Variants in CNNM2 observed in about 807,000 individuals in gnomAD.
CNNM2 encodes metal transporter CNNM2.
In CNNM2, 12 loss-of-function variants were observed where a neutral mutation model predicts 66.9. The observed-to-expected ratio is 0.18, with a 90% CI of 0.11 to 0.29. The LOEUF (loss-of-function observed/expected upper bound fraction) is 0.29. Among genes scored for constraint, CNNM2 ranks in the 10% least tolerant of loss-of-function variants. The pLI is 1.00. For synonymous variants in CNNM2, 557 were observed against 501.8 expected, an observed-to-expected ratio of 1.11 and a Z score of -1.47; for missense variants, 705 against 1,167.7, an observed-to-expected ratio of 0.60 and a Z score of 5.77.
At chr10:102,967,543 G>A (rs1458632052) in intron 1 of CNNM2, among the ~76,000 whole-genome samples, 2 of 152,000 alleles carry the variant, frequency 1.3e-5, no homozygotes. Flanking sequence ...TTTTTGTTTG[G>A]CTACTTTCAC....
At chr10:103,014,555 C>T (rs1048539647) in intron 1 of CNNM2, among the ~76,000 whole-genome samples, 1 of 152,108 alleles carries the variant, frequency 6.6e-6, no homozygotes, top group Non-Finnish European at 1.5e-5. Context: ...ATGCTTTGGT[C>T]AGAGCTTAGC....
chr10:102,989,374 C>A (rs2063854506), intron 1 of CNNM2, among the ~76,000 whole-genome samples: 1 of 151,692 alleles, frequency 6.6e-6, no homozygotes, highest in Non-Finnish European at 1.5e-5. Flanking sequence ...TTATTTTTTT[C>A]ATTCTTCTTT....
At chr10:103,030,276 A>C (rs921844603) in intron 1 of CNNM2, among the ~76,000 whole-genome samples, 53 of 152,170 alleles carry the variant, frequency 3.5e-4, no homozygotes, top group Non-Finnish European at 5.3e-4. Context: ...TAAGCAGAGG[A>C]GTAACATGTT....
intron 1 of CNNM2, among the ~76,000 whole-genome samples, chr10:103,042,677 T>C (rs990393290): frequency 3.9e-5 from 6 of 152,212 alleles, no homozygotes; most frequent in Non-Finnish European, 8.8e-5. Flanking sequence ...TAGCCCGGAT[T>C]TTATGGCTTA....
chr10:103,040,827 C>T (rs2134316815), intron 1 of CNNM2, among the ~76,000 whole-genome samples: 1 of 152,310 alleles, frequency 6.6e-6, no homozygotes, highest in East Asian at 1.9e-4. Context: ...AATTGTTCCT[C>T]CCGTGACATA....
chr10:103,058,958 TG>T (rs1182626906), intron 4 of CNNM2, among the ~76,000 whole-genome samples: 1 of 152,198 alleles, frequency 6.6e-6, no homozygotes, highest in Non-Finnish European at 1.5e-5. Flanking sequence ...GGAGTTTGTT[TG>T]TTTTTTTGTT....
intron 1 of CNNM2, among the ~76,000 whole-genome samples, chr10:102,995,173 C>T (rs1411571366): frequency 3.0e-5 from 4 of 131,486 alleles, no homozygotes; most frequent in Non-Finnish European, 3.3e-5. Context: ...CCTCCTCCCC[C>T]TCTTCCTCCT....
intron 1 of CNNM2, among the ~76,000 whole-genome samples, chr10:102,995,597 T>A (rs1040468118): frequency 6.6e-6 from 1 of 151,946 alleles, no homozygotes; most frequent in East Asian, 1.9e-4. Flanking sequence ...TTTCAGGTTA[T>A]GTAGATAATT....
chr10:102,920,041 C>T lies in CNNM2; in HGVS notation c.1561C>T (p.Pro521Ser), dbSNP rs763560961. ...AACCATCACCAAATTTTATAACCAC[C>T]CCTTGCACTTTGTTTTCAATGACAC... The part of the protein sequence containing the change: ...LKTITKFYNH[P>S]LHFVFNDTKL... The change falls in exon 1 of 8, where the codon CCC becomes TCC. Residue 521 changes from proline (P) to serine (S), a missense_variant. Pro to Ser is a moderately conservative substitution (Grantham distance 74, BLOSUM62 -1). Transcript: ENST00000369878. 5.6e-6 allele frequency: 9 copies of T among 1,614,186 alleles called. No individual in the cohort carries two copies. The highest frequency in any genetic ancestry group is 1.3e-5 in the African/African-American group (1 of 75,028).
chr10:102,948,466 T>A (rs957223491), intron 1 of CNNM2, among the ~76,000 whole-genome samples: 2 of 152,104 alleles, frequency 1.3e-5, no homozygotes, highest in Non-Finnish European at 1.5e-5. Flanking sequence ...AGCTGAAAGA[T>A]GATTAGTGTG....
intron 1 of CNNM2, among the ~76,000 whole-genome samples, chr10:103,021,758 C>T (rs982544221): frequency 2.9e-5 from 4 of 136,048 alleles, no homozygotes; most frequent in Non-Finnish European, 1.7e-5. Context: ...GGACTCTTTC[C>T]CCCAGAATAC....
chr10:103,032,178 G>A (rs1399199324), intron 1 of CNNM2, among the ~76,000 whole-genome samples: 1 of 152,248 alleles, frequency 6.6e-6, no homozygotes, highest in African/African-American at 2.4e-5. Context: ...GGCCGGGTAC[G>A]GTGACTCATG....
intron 1 of CNNM2, among the ~76,000 whole-genome samples, chr10:103,017,268 A>G (rs1406345644): frequency 2.0e-5 from 3 of 152,234 alleles, no homozygotes; most frequent in African/African-American, 7.2e-5. Flanking sequence ...TAGTAGACGA[A>G]TGCATGAAGA....
At chr10:102,989,123 C>T (rs2063849934) in intron 1 of CNNM2, among the ~76,000 whole-genome samples, 1 of 152,190 alleles carries the variant, frequency 6.6e-6, no homozygotes, top group Non-Finnish European at 1.5e-5. Context: ...TCTGTGCAAA[C>T]AGGAACAGCT....
intron 7 of CNNM2, among the ~76,000 whole-genome samples, chr10:103,076,628 G>T (rs145251739): frequency 6.6e-6 from 1 of 152,192 alleles, no homozygotes; most frequent in Non-Finnish European, 1.5e-5. Context: ...GGAGGGTTGC[G>T]GGGAAGGCTC....
chr10:102,963,163 C>T, intron 1 of CNNM2, among the ~76,000 whole-genome samples: 1 of 152,258 alleles, frequency 6.6e-6, no homozygotes, highest in Admixed American at 6.5e-5. Context: ...GAAAACACTT[C>T]TGCAGTACTT....
At chr10:103,003,169 G>C (rs1004776365) in intron 1 of CNNM2, among the ~76,000 whole-genome samples, 3 of 149,216 alleles carry the variant, frequency 2.0e-5, no homozygotes, top group Non-Finnish European at 4.4e-5. Context: ...CTGGAGTGCA[G>C]TGGCATGGTC....
chr10:102,925,152 C>G (rs1260400524), intron 1 of CNNM2, among the ~76,000 whole-genome samples: 1 of 151,690 alleles, frequency 6.6e-6, no homozygotes, highest in Non-Finnish European at 1.5e-5. Context: ...CAAAATTAGC[C>G]GGGCATGGTG....
chr10:103,011,689 T>C (rs958142630), intron 1 of CNNM2, among the ~76,000 whole-genome samples: 2 of 150,748 alleles, frequency 1.3e-5, no homozygotes, highest in African/African-American at 4.9e-5. Flanking sequence ...TGTGTGTATG[T>C]ATAATTTTTT....
Sources: allele counts gnomAD v4.1 joint callset (sites outside exome capture counted in the v4.1 genomes callset), GRCh38; gene constraint gnomAD v4.1.1; transcripts MANE v1.5; gene names NCBI Gene and HGNC (gene_info 2026-07-23, HGNC 2026-07-21).